SUN3: variants seen among roughly 807,000 people sequenced by gnomAD.
SUN3 encodes Sad1 and UNC84 domain containing 3, also known as SUN domain-containing protein 3.
A neutral mutation model predicts 48.2 loss-of-function variants in SUN3; 36 were observed. That is an observed-to-expected ratio of 0.75 (90% CI 0.57 to 0.99). The LOEUF is 0.99. SUN3 is among the 50% of genes least tolerant of loss of function. SUN3 has a pLI of 0.00. For synonymous variants in SUN3, 148 were observed against 147.9 expected (o/e 1.00, Z 0.00); for missense variants, 419 against 433.1 (o/e 0.97, Z 0.29).
In SUN3 at chr7:48,002,151, C is replaced by CTTTTTTTTTTTTTT. The variant is rs71006541; in HGVS notation, c.577+3804_577+3817dup. ...CATTGTGGTTTTGATTTGCATTTCT[C>CTTTTTTTTTTTTTT]TTTTTTTTTTTTTTTTTTTTTTTTT... On this transcript the variant is annotated intron_variant, in intron 6 of 9. Transcript: ENST00000297325. Among the ~76,000 whole-genome samples, 2 of 64,136 alleles carry CTTTTTTTTTTTTTT rather than the reference C, an allele frequency of 3.1e-5. 1 individual carries two copies. The highest frequency in any genetic ancestry group is 2.0e-4 in the African/African-American group (2 of 10,000). 42.1% of individuals were successfully genotyped at this position (64,136 alleles called of 152,430 possible).
intron 9 of SUN3, among the ~76,000 whole-genome samples, chr7:47,988,532 G>T (rs367765653): frequency 7.9e-5 from 12 of 152,266 alleles, no homozygotes; most frequent in East Asian, 7.7e-4. Context: ...AAAGAACCAA[G>T]AAATTAAATA....
intron 1 of SUN3, among the ~76,000 whole-genome samples, 170 bp from the exon 2 acceptor site, chr7:48,026,108 GAGA>G (rs1374239061): frequency 3.9e-5 from 6 of 152,022 alleles, no homozygotes; most frequent in Non-Finnish European, 7.4e-5. Context: ...TTTAAATTGA[GAGA>G]AGATCGTTTT....
intron 6 of SUN3, among the ~76,000 whole-genome samples, chr7:47,997,855 T>C (rs1001134841): frequency 6.6e-6 from 1 of 152,236 alleles, no homozygotes; most frequent in Non-Finnish European, 1.5e-5. Flanking sequence ...GCCTTTTCAC[T>C]AAGGCTACTT....
intron 8 of SUN3, chr7:47,990,884 A>T (rs1052127225): frequency 8.0e-6 from 3 of 375,000 alleles, no homozygotes; most frequent in Non-Finnish European, 1.5e-5. Flanking sequence ...CTCACTTGTA[A>T]GTGGGAGCTA....
At chr7:47,992,355 T>C (rs896890269) in intron 8 of SUN3, among the ~76,000 whole-genome samples, 2 of 152,136 alleles carry the variant, frequency 1.3e-5, no homozygotes, top group Non-Finnish European at 2.9e-5. Flanking sequence ...ACAGTTAATA[T>C]ATTCAGAAGC....
At chr7:47,988,902 T>G in intron 8 of SUN3, 22 bp from the exon 9 acceptor site, 1 of 1,403,374 alleles carries the variant, frequency 7.1e-7, no homozygotes, top group Middle Eastern at 1.8e-4. Context: ...GCAACAGATA[T>G]AGAGATTGTA....
At chr7:48,008,688 G>A (rs1789599635) in intron 4 of SUN3, among the ~76,000 whole-genome samples, 1 of 152,182 alleles carries the variant, frequency 6.6e-6, no homozygotes, top group Non-Finnish European at 1.5e-5. Context: ...GCACAAGTGA[G>A]AGGAGGCAAT....
chr7:48,032,426 G>GA (rs1562618329), upstream of SUN3, among the ~76,000 whole-genome samples: 2 of 152,074 alleles, frequency 1.3e-5, no homozygotes, highest in African/African-American at 4.8e-5. Context: ...AATAAAGTTG[G>GA]AAAAAATCCA....
chr7:47,994,011 C>T (rs1330141928), intron 8 of SUN3, among the ~76,000 whole-genome samples: 1 of 151,996 alleles, frequency 6.6e-6, no homozygotes, highest in Non-Finnish European at 1.5e-5. Flanking sequence ...AAAATTGTTG[C>T]AAGTAGAAGC....
intron 6 of SUN3, among the ~76,000 whole-genome samples, chr7:48,005,228 A>G: frequency 6.6e-6 from 1 of 152,162 alleles, no homozygotes; most frequent in East Asian, 1.9e-4. Flanking sequence ...CTTGTCCCCA[A>G]CACTCATGCT....
chr7:47,987,230 C>G lies in SUN3; in HGVS notation c.*100G>C. 1 of 1,301,506 alleles carries G rather than the reference C, an allele frequency of 7.7e-7. No homozygotes were observed. Among genetic ancestry groups the G allele is most frequent in the Non-Finnish European group, 1.0e-6 (1 of 980,862 alleles). The allele number at this position is 1,301,506 out of a possible 1,614,324, so 80.6% of individuals were successfully genotyped here. On this transcript the variant is annotated 3_prime_UTR_variant, in exon 10 of 10. Coordinates refer to ENST00000297325, the MANE Select transcript of SUN3 (RefSeq NM_001030019.2). ...TATGAACCACTTTGAGGTTTTCTTCCCACTCCCAATTCTCAATTCCTATGG... is the reference window on the plus strand; with the variant it reads ...TATGAACCACTTTGAGGTTTTCTTCGCACTCCCAATTCTCAATTCCTATGG...
intron 2 of SUN3, among the ~76,000 whole-genome samples, chr7:48,020,316 G>A (rs569683675): frequency 5.3e-5 from 8 of 152,002 alleles, no homozygotes; most frequent in Middle Eastern, 3.2e-3. Flanking sequence ...ATACCTCAAC[G>A]TAATAAAAGC....
At chr7:47,990,546 T>C (rs891186022) in intron 8 of SUN3, among the ~76,000 whole-genome samples, 28 of 150,614 alleles carry the variant, frequency 1.9e-4, no homozygotes, top group African/African-American at 7.0e-4. Context: ...CTTCTTTCTC[T>C]ATACTTTGTC....
intron 8 of SUN3, 118 bp downstream of exon 8, chr7:47,994,197 G>A (rs1789139980): frequency 2.3e-6 from 2 of 883,820 alleles, no homozygotes; most frequent in Non-Finnish European, 3.5e-6. Context: ...GAAAGCAGAA[G>A]TCCAGGAAAT....
chr7:48,035,185 A>G, the SUN3 span, among the ~76,000 whole-genome samples: 1 of 152,154 alleles, frequency 6.6e-6, no homozygotes, highest in Non-Finnish European at 1.5e-5. This position sits in a 1 kb window ranked among gnomAD's most constrained non-coding sequence, Gnocchi z 4.0. Flanking sequence ...GCTCTACAGT[A>G]ACTGTGGTTC....
At chr7:48,026,114 A>T (rs770586497) in intron 1 of SUN3, among the ~76,000 whole-genome samples, 176 bp from the exon 2 acceptor site, 3 of 152,076 alleles carry the variant, frequency 2.0e-5, no homozygotes, top group Non-Finnish European at 2.9e-5. Flanking sequence ...TTGAGAGAAG[A>T]TCGTTTTAGT....
chr7:47,990,974 G>A (rs1422476775), intron 8 of SUN3: 1 of 450,622 alleles, frequency 2.2e-6, no homozygotes, highest in Admixed American at 2.4e-5. Context: ...AGGAGGGAGA[G>A]GAGCAGAGAA....
At chr7:48,022,824 T>A (rs1227781576) in intron 2 of SUN3, among the ~76,000 whole-genome samples, 3 of 152,090 alleles carry the variant, frequency 2.0e-5, no homozygotes, top group Admixed American at 6.5e-5. Context: ...ATCACCTGAT[T>A]TTTTTCTTCA....
At chr7:48,009,742 C>T (rs142326755) in intron 3 of SUN3, among the ~76,000 whole-genome samples, 163 of 152,230 alleles carry the variant, frequency 1.1e-3, no homozygotes, top group Admixed American at 2.4e-3. Flanking sequence ...CATGTGGCTT[C>T]AGAGGACTTT....
Sources: allele counts gnomAD v4.1 joint callset (sites outside exome capture counted in the v4.1 genomes callset), GRCh38; gene constraint gnomAD v4.1.1; non-coding constraint Gnocchi (gnomAD v3.1); transcripts MANE v1.5; gene names NCBI Gene and HGNC (gene_info 2026-07-23, HGNC 2026-07-21).